PLCB4: variants seen among roughly 807,000 people sequenced by gnomAD.
PLCB4 encodes the protein phospholipase C beta 4.
In PLCB4, 77 loss-of-function variants were observed where a neutral mutation model predicts 178.8. That is an observed-to-expected ratio of 0.43 (90% CI 0.36 to 0.52). The LOEUF (loss-of-function observed/expected upper bound fraction) is 0.52, where lower values mean the gene tolerates loss of function less well. PLCB4 is among the 20% of genes least tolerant of loss of function. PLCB4 has a pLI of 0.00. For missense variants in PLCB4, 1,024 were observed against 1,453.4 expected (o/e 0.70, Z 4.80); for synonymous variants, 496 against 490.8 (o/e 1.01, Z -0.14).
At chr20:9,467,224 A>G (rs776825825) in intron 35 of PLCB4, among the ~76,000 whole-genome samples, 3 of 152,184 alleles carry the variant, frequency 2.0e-5, no homozygotes, top group Non-Finnish European at 2.9e-5. Flanking sequence ...GTGGGAATTG[A>G]ACAGTGAGAA....
chr20:9,142,721 G>A (rs1251847787), intron 2 of PLCB4, among the ~76,000 whole-genome samples: 2 of 152,120 alleles, frequency 1.3e-5, no homozygotes, highest in Non-Finnish European at 2.9e-5. Context: ...TAGCCTTGGA[G>A]CTTGTCTGTT....
intron 3 of PLCB4, among the ~76,000 whole-genome samples, chr20:9,306,190 C>T (rs979069963): frequency 4.6e-5 from 7 of 152,212 alleles, no homozygotes; most frequent in African/African-American, 1.7e-4. Flanking sequence ...CTGCAATCCC[C>T]GTCTCCTGGG....
intron 7 of PLCB4, among the ~76,000 whole-genome samples, chr20:9,354,703 G>A (rs567041866): frequency 6.6e-6 from 1 of 152,252 alleles, no homozygotes; most frequent in Non-Finnish European, 1.5e-5. Flanking sequence ...TAGAAATAAG[G>A]TACAAGCCCT....
chr20:9,271,584 AGATG>A (rs2094402756), intron 3 of PLCB4, among the ~76,000 whole-genome samples: 2 of 152,186 alleles, frequency 1.3e-5, no homozygotes, highest in Non-Finnish European at 2.9e-5. Context: ...TCTATAATTA[AGATG>A]ACAACTGCTT....
At chr20:9,308,035 C>G in intron 4 of PLCB4, 137 bp downstream of exon 4, 1 of 472,478 alleles carries the variant, frequency 2.1e-6, no homozygotes, top group Non-Finnish European at 3.7e-6. Flanking sequence ...TGAAAAGAGG[C>G]AAGTTATGAG....
rs1019345846 is a variant in PLCB4 at position 9,443,855 on chromosome 20, A to G, written c.2765-126A>G. 2.8e-4 allele frequency: 166 copies of G among 603,460 alleles called. 1 individual carries two copies. In the Admixed American group the frequency reaches 4.6e-3, roughly 17 times the overall value. The allele number at this position is 603,460 out of a possible 1,614,324, so 37.4% of individuals were successfully genotyped here. A position where few individuals can be genotyped will look rare whatever the true frequency, so the allele number is the denominator to read the frequency against. On this transcript the variant is annotated intron_variant, in intron 30 of 39. Coordinates refer to ENST00000378473, the MANE Select transcript of PLCB4 (RefSeq NM_001377142.1). ...TTTGTAATAGGAACTTAAGATGTTTATATTCATCATATGTAAAGCTGCTTC... is the reference window on the plus strand; with the variant it reads ...TTTGTAATAGGAACTTAAGATGTTTGTATTCATCATATGTAAAGCTGCTTC...
chr20:9,394,537 TACTA>T (rs2038414753), intron 18 of PLCB4, among the ~76,000 whole-genome samples: 1 of 152,168 alleles, frequency 6.6e-6, no homozygotes, highest in South Asian at 2.1e-4. Context: ...TACATCTACA[TACTA>T]ACTTTAATCC....
chr20:9,078,932 C>G (rs1268868291), intron 1 of PLCB4, among the ~76,000 whole-genome samples: 1 of 152,158 alleles, frequency 6.6e-6, no homozygotes, highest in Non-Finnish European at 1.5e-5. Context: ...ATCTGTTTCT[C>G]CAGATACTCA....
At chr20:9,333,838 C>G (rs2032053223) in intron 4 of PLCB4, among the ~76,000 whole-genome samples, 1 of 152,064 alleles carries the variant, frequency 6.6e-6, no homozygotes, top group South Asian at 2.1e-4. Context: ...TTAAGGATGA[C>G]TCTTAGTTTC....
At chr20:9,256,143 A>G (rs897630751) in intron 3 of PLCB4, among the ~76,000 whole-genome samples, 1 of 152,142 alleles carries the variant, frequency 6.6e-6, no homozygotes, top group African/African-American at 2.4e-5. Context: ...CTAGTGCGTT[A>G]ATCAGGAATG....
intron 10 of PLCB4, 64 bp downstream of exon 10, chr20:9,371,359 T>C (rs2036238081): frequency 4.8e-6 from 4 of 832,682 alleles, no homozygotes; most frequent in Non-Finnish European, 6.1e-6. Context: ...TCATATGTAA[T>C]GAGCTAGATT....
intron 2 of PLCB4, among the ~76,000 whole-genome samples, chr20:9,194,515 C>T (rs903829269): frequency 2.0e-4 from 30 of 151,726 alleles, no homozygotes; most frequent in African/African-American, 7.3e-4. Flanking sequence ...GGTGAAACCC[C>T]TTCTCTACTA....
At chr20:9,388,376 C>G (rs1324985922) in intron 15 of PLCB4, among the ~76,000 whole-genome samples, 1 of 152,086 alleles carries the variant, frequency 6.6e-6, no homozygotes, top group Admixed American at 6.5e-5. Context: ...CCAGGAGCAG[C>G]GGTTCTCAAC....
intron 25 of PLCB4, among the ~76,000 whole-genome samples, chr20:9,417,397 C>T (rs1027754214): frequency 6.6e-6 from 1 of 152,040 alleles, no homozygotes; most frequent in Non-Finnish European, 1.5e-5. Context: ...TTAATCTACC[C>T]TCTGTCTCTA....
chr20:9,444,257 C>A lies in PLCB4; in HGVS notation c.2880+14C>A, dbSNP rs6056629. The A allele has an allele frequency of 0.19, 283,138 of 1,513,574 alleles. 30,182 individuals are homozygous for A. Among genetic ancestry groups the A allele is most frequent in the East Asian group, 0.4 (17,618 of 44,252 alleles). 93.8% of individuals were successfully genotyped at this position (1,513,574 alleles called of 1,614,324 possible). On this transcript the variant is annotated intron_variant, in intron 32 of 39. Coordinates refer to ENST00000378473, the MANE Select transcript of PLCB4 (RefSeq NM_001377142.1). ...AAACATGCAAAGGTACAGTGCTCTA[C>A]AGCTACTATTTTGTGTTATGTATGG...
At chr20:9,160,849 T>C (rs1341952652) in intron 2 of PLCB4, among the ~76,000 whole-genome samples, 1 of 152,168 alleles carries the variant, frequency 6.6e-6, no homozygotes, top group Non-Finnish European at 1.5e-5. Context: ...GTTCTTTCTC[T>C]TGGGAAATTA....
intron 2 of PLCB4, among the ~76,000 whole-genome samples, chr20:9,178,734 TAA>T (rs34790149): frequency 6.6e-6 from 1 of 152,032 alleles, no homozygotes; most frequent in Non-Finnish European, 1.5e-5. Flanking sequence ...AATTTAAACT[TAA>T]AATTCTAAAT....
chr20:9,145,056 T>C (rs1447658230), intron 2 of PLCB4, among the ~76,000 whole-genome samples: 1 of 152,132 alleles, frequency 6.6e-6, no homozygotes, highest in Non-Finnish European at 1.5e-5. Flanking sequence ...CCATCTTAGC[T>C]GTGTTTGCAC....
At chr20:9,207,098 A>G (rs2093623432) in intron 2 of PLCB4, among the ~76,000 whole-genome samples, 3 of 152,236 alleles carry the variant, frequency 2.0e-5, no homozygotes, top group Non-Finnish European at 4.4e-5. Flanking sequence ...CCTGGGAGAC[A>G]AAGCGAGACT....
Sources: allele counts gnomAD v4.1 joint callset (sites outside exome capture counted in the v4.1 genomes callset), GRCh38; gene constraint gnomAD v4.1.1; transcripts MANE v1.5; gene names NCBI Gene and HGNC (gene_info 2026-07-23, HGNC 2026-07-21).